Variants in CHD5 observed in about 807,000 individuals in gnomAD.
CHD5 encodes the protein ATP-dependent chromatin remodeler CHD5.
CHD5 carries 69 observed loss-of-function variants against 230.3 expected under a neutral mutation model. That is an observed-to-expected ratio of 0.30 (90% CI 0.25 to 0.37). The LOEUF is 0.37. Among genes scored for constraint, CHD5 ranks in the 10% least tolerant of loss-of-function variants. The probability of loss-of-function intolerance (pLI) is 1.00; values close to 1 mark genes in which losing one functional copy is unlikely to be tolerated. For synonymous variants in CHD5, 1,064 were observed against 1,065.9 expected, an observed-to-expected ratio of 1.00 and a Z score of 0.03; for missense variants, 1,827 against 2,622.8, an observed-to-expected ratio of 0.70 and a Z score of 6.63.
chr1:6,116,949 C>T (rs905074528), intron 33 of CHD5, among the ~76,000 whole-genome samples: 15 of 152,148 alleles, frequency 9.9e-5, no homozygotes, highest in Non-Finnish European at 2.2e-4. Flanking sequence ...AACTAAAATA[C>T]TGGGCAACAG....
chr1:6,146,482 C>G lies in CHD5; in HGVS notation c.1591-59G>C. On this transcript the variant is annotated intron_variant, in intron 10 of 41. Coordinates refer to ENST00000262450, the MANE Select transcript of CHD5 (RefSeq NM_015557.3). The surrounding 1 kb of genome is among the most constrained non-coding windows in gnomAD (Gnocchi z 5.1). ...AGATGGGCCATGGTCCCCTGCATCTCCCTACCCAGCTCCTCTAGCCCCAGC... is the reference window on the plus strand; with the variant it reads ...AGATGGGCCATGGTCCCCTGCATCTGCCTACCCAGCTCCTCTAGCCCCAGC... The G allele has an allele frequency of 6.5e-7, 1 of 1,535,000 alleles. No homozygotes were observed.
chr1:6,127,178 G>A lies in CHD5; in HGVS notation c.3904-432C>T, dbSNP rs137974611. ...CTTCGGGGACAGCTGGGGTTTGCCC[G>A]GTAGAGAAGGGAGAAAAGTGTGGGG... On this transcript the variant is annotated intron_variant, in intron 25 of 41. Transcript: ENST00000262450. 273 of 179,904 alleles carry A rather than the reference G, an allele frequency of 1.5e-3. 3 individuals carry two copies. Among genetic ancestry groups the A allele is most frequent in the African/African-American group, 6.3e-3 (263 of 41,920 alleles). The allele number at this position is 179,904 out of a possible 1,614,324, so 11.1% of individuals were successfully genotyped here.
intron 3 of CHD5, among the ~76,000 whole-genome samples, chr1:6,158,263 G>A (rs1197414068): frequency 2.6e-5 from 4 of 152,256 alleles, no homozygotes; most frequent in Middle Eastern, 3.4e-3. Flanking sequence ...TCCTGGGGAC[G>A]CTGGGCCCAG....
rs1666540264 is a variant in CHD5 at position 6,125,431 on chromosome 1, A to G, written c.4260+93T>C. 3 of 1,398,110 alleles carry G rather than the reference A, an allele frequency of 2.1e-6. No individual in the cohort carries two copies. Among genetic ancestry groups the G allele is most frequent in the Non-Finnish European group, 3.0e-6 (3 of 1,016,568 alleles). 86.6% of individuals were successfully genotyped at this position (1,398,110 alleles called of 1,614,324 possible). A position where few individuals can be genotyped will look rare whatever the true frequency, so the allele number is the denominator to read the frequency against. ...TGTCCAAGCTCCGCCTCTACCTGGC[A>G]TGAGACCCGGGGCAGTCCCCCAGCC... On this transcript the variant is annotated intron_variant, in intron 28 of 41. Transcript: ENST00000262450. This position sits in a 1 kb window ranked among gnomAD's most constrained non-coding sequence, Gnocchi z 6.7.
chr1:6,154,676 C>T lies in CHD5; in HGVS notation c.729G>A (p.Lys243=), dbSNP rs760372134. 1 of 1,576,448 alleles carries T rather than the reference C, an allele frequency of 6.3e-7. No homozygotes were observed. Among genetic ancestry groups the T allele is most frequent in the Admixed American group, 1.8e-5 (1 of 56,562 alleles). Residue 243 remains lysine, a synonymous_variant, in exon 5 of 42, where the codon AAG becomes AAA. Coordinates refer to ENST00000262450, the MANE Select transcript of CHD5 (RefSeq NM_015557.3). This position sits in a 1 kb window ranked among gnomAD's most constrained non-coding sequence, Gnocchi z 7.0. Reference sequence around the variant, plus strand: ...CAGCCTTACCTTTGCCCTCCTTGGTCTTGGCCTTGCGGATAGGCACAGGCT... The same window carrying T: ...CAGCCTTACCTTTGCCCTCCTTGGTTTTGGCCTTGCGGATAGGCACAGGCT... ...VPQPVPIRKA[K]TKEGKGPGVR...
Position 6,152,250 on chromosome 1 carries a change from C to G in CHD5, c.870+162G>C, listed in dbSNP as rs75365856. 3.3e-3 allele frequency among the ~76,000 whole-genome samples: 509 copies of G among 152,318 alleles called. 3 individuals are homozygous for G. Among genetic ancestry groups the G allele is most frequent in the Non-Finnish European group, 4.5e-3 (304 of 68,026 alleles). Reference sequence around the variant, plus strand: ...ATCACACAAATGGAGAAACTGAGGCCCAGCACACCTGCATGTAGGATGGAA... The same window carrying G: ...ATCACACAAATGGAGAAACTGAGGCGCAGCACACCTGCATGTAGGATGGAA... On this transcript the variant is annotated intron_variant, in intron 6 of 41. Transcript: ENST00000262450.
chr1:6,161,612 G>A (rs573042272), intron 2 of CHD5, among the ~76,000 whole-genome samples: 3 of 152,368 alleles, frequency 2.0e-5, no homozygotes, highest in South Asian at 2.1e-4. Context: ...GGCTGGAGGA[G>A]ATGCTGGGCC....
intron 33 of CHD5, among the ~76,000 whole-genome samples, chr1:6,118,578 G>A (rs1666413778): frequency 6.6e-6 from 1 of 152,154 alleles, no homozygotes; most frequent in Non-Finnish European, 1.5e-5. Context: ...GGAAGAAATG[G>A]GGAGTGATTA....
intron 33 of CHD5, among the ~76,000 whole-genome samples, chr1:6,117,571 A>G (rs1666396817): frequency 6.6e-6 from 1 of 152,232 alleles, no homozygotes; most frequent in Admixed American, 6.5e-5. Flanking sequence ...ATTAATTTAA[A>G]AAGAACTCTT....
At position 6,126,244 on chromosome 1, in the gene CHD5, C is replaced by G. The variant is rs1229536708; in HGVS notation, c.4078+328G>C. ...CCAGCGCCGCCCAGCGTTCCTGGCCCCCACCTCCCGGGGGGGTCCTGCACA... is the reference window on the plus strand; with the variant it reads ...CCAGCGCCGCCCAGCGTTCCTGGCCGCCACCTCCCGGGGGGGTCCTGCACA... On this transcript the variant is annotated intron_variant, in intron 26 of 41. Coordinates refer to ENST00000262450, the MANE Select transcript of CHD5 (RefSeq NM_015557.3). The surrounding 1 kb of genome is among the most constrained non-coding windows in gnomAD (Gnocchi z 5.7). Among the ~76,000 whole-genome samples, 1 of 152,210 alleles carries G rather than the reference C, an allele frequency of 6.6e-6. No individual in the cohort carries two copies. The highest frequency in any genetic ancestry group is 1.5e-5 in the Non-Finnish European group (1 of 68,034).
chr1:6,179,123 C>T (rs1297840076), intron 1 of CHD5, among the ~76,000 whole-genome samples: 1 of 152,188 alleles, frequency 6.6e-6, no homozygotes, highest in African/African-American at 2.4e-5. Flanking sequence ...GCGCACAGCC[C>T]TGTGTATACT....
rs771144439 is a variant in CHD5, at chr1:6,122,927, A to G, written c.4699+1021T>C. 5.3e-4 allele frequency among the ~76,000 whole-genome samples: 81 copies of G among 152,028 alleles called. 1 individual carries two copies. Among genetic ancestry groups the G allele is most frequent in the Non-Finnish European group, 1.9e-4 (13 of 68,004 alleles). ...TCTACTAAAAATACAAAAATCAGCC[A>G]GGTGTGGTGGCGGGCACCTGTAATC... On this transcript the variant is annotated intron_variant, in intron 31 of 41. Coordinates refer to ENST00000262450, the MANE Select transcript of CHD5 (RefSeq NM_015557.3).
intron 33 of CHD5, among the ~76,000 whole-genome samples, chr1:6,113,784 C>A (rs769528136): frequency 6.6e-6 from 1 of 152,328 alleles, no homozygotes; most frequent in South Asian, 2.1e-4. Context: ...CCACACCCAA[C>A]GCCTTGTCCT....
At chr1:6,164,289 A>C (rs1667220320) in intron 2 of CHD5, among the ~76,000 whole-genome samples, 1 of 152,226 alleles carries the variant, frequency 6.6e-6, no homozygotes, top group African/African-American at 2.4e-5. Flanking sequence ...TTCAAGATTG[A>C]GAGGGAAAAG....
At chr1:6,147,265 C>T (rs910121772) in intron 9 of CHD5, among the ~76,000 whole-genome samples, 3 of 152,160 alleles carry the variant, frequency 2.0e-5, no homozygotes, top group African/African-American at 4.8e-5. Flanking sequence ...TCCCATTGCC[C>T]CCTGAAAAGA....
chr1:6,117,650 A>AAAT (rs772623723), intron 33 of CHD5, among the ~76,000 whole-genome samples: 15 of 152,392 alleles, frequency 9.8e-5, no homozygotes, highest in Non-Finnish European at 1.5e-4. Flanking sequence ...TTTCTTCAAC[A>AAAT]AATTATACAC....
At chr1:6,111,955 G>T (rs1247111960) in intron 35 of CHD5, 72 bp from the exon 36 acceptor site, 4 of 1,453,562 alleles carry the variant, frequency 2.8e-6, no homozygotes, top group Non-Finnish European at 3.8e-6. Flanking sequence ...TTGGAGAGCC[G>T]CTCCCTCCCT....
intron 33 of CHD5, among the ~76,000 whole-genome samples, chr1:6,116,518 A>C (rs1425821580): frequency 6.6e-6 from 1 of 152,204 alleles, no homozygotes; most frequent in Non-Finnish European, 1.5e-5. Flanking sequence ...ACCAAAGACA[A>C]AGAGAATGTC....
intron 1 of CHD5, among the ~76,000 whole-genome samples, chr1:6,177,547 G>A (rs997549252): frequency 2.6e-5 from 4 of 152,236 alleles, no homozygotes; most frequent in African/African-American, 9.6e-5. Flanking sequence ...TGTAGTCCCA[G>A]CTACTAGGGA....
Sources: gnomAD v4.1 joint callset for allele counts (sites outside exome capture counted in the v4.1 genomes callset) on GRCh38, gnomAD v4.1.1 for gene constraint, Gnocchi (gnomAD v3.1) non-coding constraint, MANE v1.5 for transcripts, NCBI Gene and HGNC (gene_info 2026-07-23, HGNC 2026-07-21) for gene names.